Variants in TULP4 observed in about 807,000 individuals in gnomAD.
TULP4 encodes the protein TUB like protein 4, also known as tubby-related protein 4.
TULP4 carries 16 observed loss-of-function variants against 129.0 expected under a neutral mutation model. The observed-to-expected ratio is 0.12, with a 90% CI of 0.08 to 0.19. TULP4 has a LOEUF of 0.19. Ranked by LOEUF, TULP4 falls within the 10% of genes least tolerant of loss-of-function variation. The pLI is 1.00. For synonymous variants in TULP4, 998 were observed against 854.0 expected, an observed-to-expected ratio of 1.17 and a Z score of -2.94; for missense variants, 1,842 against 2,059.1, an observed-to-expected ratio of 0.89 and a Z score of 2.04.
Position 158,498,637 on chromosome 6 carries a change from C to G in TULP4, c.1871-32C>G, listed in dbSNP as rs1344616686. On this transcript the variant is annotated intron_variant, in intron 11 of 13. Coordinates refer to ENST00000367097, the MANE Select transcript of TULP4 (RefSeq NM_020245.5). The stretch of plus-strand genomic sequence containing the variant: ...ACTTTGGCTCTGCTCTGGTGTGTCT[C>G]TGTTAACTGTGCCCTTCTTTTTCCC... 5.0e-6 allele frequency: 8 copies of G among 1,613,766 alleles called. No homozygotes were observed. The African/African-American group carries it at 8.0e-5, about 16-fold the overall frequency.
In TULP4 at chr6:158,392,599, T is replaced by C. The variant is rs555538600; in HGVS notation, c.253-20466T>C. On this transcript the variant is annotated intron_variant, in intron 1 of 13. Coordinates refer to ENST00000367097, the MANE Select transcript of TULP4 (RefSeq NM_020245.5). ...CAGGATAGGGTGGTGTCAGCAGATA[T>C]CTGCTCACATCTCAGGGGCCAGCCT... Among the ~76,000 whole-genome samples, 32 of 152,090 alleles carry C rather than the reference T, an allele frequency of 2.1e-4. No individual in the cohort carries two copies. The East Asian group carries it at 6.0e-3, about 29-fold the overall frequency.
At chr6:158,463,504 G>T (rs1047008635) in intron 6 of TULP4, among the ~76,000 whole-genome samples, 2 of 151,986 alleles carry the variant, frequency 1.3e-5, no homozygotes, top group East Asian at 3.9e-4. Context: ...TGTAGGGTGG[G>T]GGTAGCGGGG....
intron 3 of TULP4, chr6:158,438,109 G>T (rs1778791408): frequency 6.6e-6 from 1 of 152,090 alleles, no homozygotes; most frequent in African/African-American, 2.4e-5. Context: ...AAAAGTAAAT[G>T]ACTCTGTAGG....
chr6:158,276,895 A>G (rs1778657223), intron 1 of TULP4, among the ~76,000 whole-genome samples: 2 of 152,156 alleles, frequency 1.3e-5, no homozygotes. Context: ...TTTGTTTGCC[A>G]AGACCTCTGC....
chr6:158,233,065 T>C (rs1777627475), intron 1 of TULP4, among the ~76,000 whole-genome samples: 1 of 152,258 alleles, frequency 6.6e-6, no homozygotes. Context: ...GGGAGGTGTC[T>C]ACTTCTTCCT....
At chr6:158,390,414 ATTAT>A (rs573885655) in intron 1 of TULP4, among the ~76,000 whole-genome samples, 13 of 152,148 alleles carry the variant, frequency 8.5e-5, no homozygotes, top group African/African-American at 3.1e-4. Flanking sequence ...TGGATATATC[ATTAT>A]TTAATTATTC....
At chr6:158,239,047 G>A (rs1376242288) in intron 1 of TULP4, among the ~76,000 whole-genome samples, 7 of 134,698 alleles carry the variant, frequency 5.2e-5, no homozygotes, top group Admixed American at 1.4e-4. Context: ...GCGGCTGGCC[G>A]GGCGGGGGGC....
chr6:158,449,308 G>A lies in TULP4; in HGVS notation c.724+132G>A, dbSNP rs1779117784. 1.7e-5 allele frequency: 15 copies of A among 906,272 alleles called. No individual in the cohort carries two copies. The South Asian group carries it at 3.2e-4, about 19-fold the overall frequency. The allele number at this position is 906,272 out of a possible 1,614,324, so 56.1% of individuals were successfully genotyped here. On this transcript the variant is annotated intron_variant, in intron 4 of 13. Coordinates refer to ENST00000367097, the MANE Select transcript of TULP4 (RefSeq NM_020245.5). Reference sequence around the variant, plus strand: ...ACGGCACCCGGGCTTCCTGGGAAGAGTTATCAAGCTGAAATGCAAGGTAGG... The same window carrying A: ...ACGGCACCCGGGCTTCCTGGGAAGAATTATCAAGCTGAAATGCAAGGTAGG...
chr6:158,369,795 C>A (rs772903750), intron 1 of TULP4, among the ~76,000 whole-genome samples: 3 of 152,098 alleles, frequency 2.0e-5, no homozygotes, highest in African/African-American at 7.2e-5. Flanking sequence ...GGGAAGAGAA[C>A]TAGGTGGCAA....
intron 3 of TULP4, among the ~76,000 whole-genome samples, chr6:158,444,072 T>TAGC (rs1333712927): frequency 6.6e-6 from 1 of 151,436 alleles, no homozygotes; most frequent in Non-Finnish European, 1.5e-5. Context: ...TACAAAAAAT[T>TAGC]AGCCTGGCGT....
chr6:158,467,362 CT>C, intron 6 of TULP4, among the ~76,000 whole-genome samples: 1 of 151,850 alleles, frequency 6.6e-6, no homozygotes, highest in East Asian at 1.9e-4. Flanking sequence ...TCACTGCAAC[CT>C]CTGCCTCCCA....
At chr6:158,504,336 A>G (rs1187560933) in intron 13 of TULP4, among the ~76,000 whole-genome samples, 158 bp downstream of exon 13, 2 of 149,884 alleles carry the variant, frequency 1.3e-5, no homozygotes, top group African/African-American at 4.9e-5. Flanking sequence ...TAGTGTGCCC[A>G]CTGCTGTCTT....
At position 158,487,106 on chromosome 6, in the gene TULP4, G is replaced by C. The variant is rs575927740; in HGVS notation, c.1487-2482G>C. ...CTAATAAAAATGCAAAAATTAGCTG[G>C]GTGTGGTGGCAGGTGCCTATAGTCC... is the stretch of plus-strand genomic sequence containing the variant. On this transcript the variant is annotated intron_variant, in intron 8 of 13. Transcript: ENST00000367097. Among the ~76,000 whole-genome samples, 598 of 63,986 alleles carry C rather than the reference G, an allele frequency of 9.3e-3. 5 individuals carry two copies. The highest frequency in any genetic ancestry group is 0.038 in the African/African-American group (574 of 15,168). The allele number at this position is 63,986 out of a possible 152,430, so 42.0% of individuals were successfully genotyped here. A position where few individuals can be genotyped will look rare whatever the true frequency, so the allele number is the denominator to read the frequency against.
intron 1 of TULP4, among the ~76,000 whole-genome samples, chr6:158,364,822 T>C (rs899598568): frequency 1.8e-4 from 28 of 152,106 alleles, no homozygotes; most frequent in Non-Finnish European, 1.8e-4. Flanking sequence ...CTGCAAGCTC[T>C]GCCTCCCAGG....
intron 1 of TULP4, among the ~76,000 whole-genome samples, chr6:158,285,771 C>T (rs1019256036): frequency 2.6e-5 from 4 of 152,224 alleles, no homozygotes; most frequent in African/African-American, 7.2e-5. Flanking sequence ...TGTGGGTGTG[C>T]TCTCTGTGTC....
chr6:158,250,157 CTTT>C (rs1242045230), intron 1 of TULP4, among the ~76,000 whole-genome samples: 4 of 139,826 alleles, frequency 2.9e-5, no homozygotes, highest in Non-Finnish European at 3.1e-5. Flanking sequence ...CTTTTCTTTT[CTTT>C]TTTTTTTTTT....
chr6:158,288,365 G>A (rs530146799), intron 1 of TULP4, among the ~76,000 whole-genome samples: 2 of 151,966 alleles, frequency 1.3e-5, no homozygotes, highest in East Asian at 3.9e-4. Flanking sequence ...CTTTGTCTGG[G>A]ATTTCTAGCA....
At chr6:158,462,286 T>C (rs1779445846) in intron 6 of TULP4, among the ~76,000 whole-genome samples, 1 of 144,298 alleles carries the variant, frequency 6.9e-6, no homozygotes, top group African/African-American at 2.8e-5. Context: ...ATGTCTTTTC[T>C]TTTTTTTTTA....
At chr6:158,484,806 G>A (rs549418863) in intron 8 of TULP4, among the ~76,000 whole-genome samples, 3 of 152,368 alleles carry the variant, frequency 2.0e-5, no homozygotes, top group South Asian at 2.1e-4. Flanking sequence ...TATTTAGCGC[G>A]TGCGCCTGTG....
Sources: gnomAD v4.1 joint callset for allele counts (sites outside exome capture counted in the v4.1 genomes callset) on GRCh38, gnomAD v4.1.1 for gene constraint, MANE v1.5 for transcripts, NCBI Gene and HGNC (gene_info 2026-07-23, HGNC 2026-07-21) for gene names.